Variants in CAPN3 observed in about 807,000 individuals in gnomAD.
CAPN3 encodes calpain 3.
A neutral mutation model predicts 114.0 loss-of-function variants in CAPN3; 88 were observed. That is an observed-to-expected ratio of 0.77 (90% confidence interval 0.65 to 0.92). The LOEUF is 0.92. Among genes scored for constraint, CAPN3 ranks in the 40% least tolerant of loss-of-function variants. The pLI, the probability that CAPN3 is intolerant of heterozygous loss-of-function variation, is 0.00. For synonymous variants in CAPN3, 386 were observed against 382.9 expected (o/e 1.01, Z -0.09); for missense variants, 1,028 against 1,069.0 (o/e 0.96, Z 0.53).
chr15:42,361,419 C>T (rs968211919), intron 1 of CAPN3, among the ~76,000 whole-genome samples: 13 of 152,048 alleles, frequency 8.5e-5, no homozygotes, highest in African/African-American at 2.9e-4. Flanking sequence ...AGCAGTGAGC[C>T]GAGATCATGC....
At chr15:42,362,034 T>G (rs1230944916) in intron 1 of CAPN3, among the ~76,000 whole-genome samples, 2 of 152,348 alleles carry the variant, frequency 1.3e-5, no homozygotes, top group East Asian at 3.9e-4. Flanking sequence ...GGTACTCAGC[T>G]GATGCTGGTG....
intron 22 of CAPN3, 110 bp from the exon 23 acceptor site, chr15:42,411,177 T>C: frequency 1.9e-6 from 2 of 1,057,712 alleles, no homozygotes. Context: ...CCTGCACATC[T>C]TTGTGCTGAT....
At chr15:42,408,539 G>T (rs1595844701) in intron 16 of CAPN3, 1 of 542,844 alleles carries the variant, frequency 1.8e-6, no homozygotes, top group East Asian at 3.9e-5. Flanking sequence ...TTCTAGGAGT[G>T]GACTGGCAGG....
chr15:42,359,684 G>A lies in CAPN3; in HGVS notation c.-122G>A. 2 of 1,565,942 alleles carry A rather than the reference G, an allele frequency of 1.3e-6. No homozygotes were observed. Among genetic ancestry groups the A allele is most frequent in the Non-Finnish European group, 1.7e-6 (2 of 1,160,118 alleles). On this transcript the variant is annotated 5_prime_UTR_variant, in exon 1 of 24. It adds an upstream start codon to the 5' untranslated region. Coordinates refer to ENST00000397163, the MANE Select transcript of CAPN3 (RefSeq NM_000070.3). ...ATGGGCTTTCAACTTTGAACTGGAT[G>A]TGGACACTTTTCTCTCAGATGACAG...
At chr15:42,374,986 AATTTATTTATTTATTTATTTATTT>A (rs71431847) in intron 1 of CAPN3, among the ~76,000 whole-genome samples, 6,958 of 133,992 alleles carry the variant, frequency 0.052, 554 homozygotes, top group African/African-American at 0.17. Context: ...TTTAAATAAA[AATTTATTTATTTATTTATTTATTT>A]ATTTATTTAT....
intron 6 of CAPN3, 108 bp downstream of exon 6, chr15:42,390,204 C>G: frequency 8.2e-7 from 1 of 1,217,484 alleles, no homozygotes; most frequent in Non-Finnish European, 1.2e-6. Flanking sequence ...CACACACCCC[C>G]ACCTGGCACC....
rs766467164 is a variant in CAPN3, at chr15:42,402,838, C to T, written c.1581C>T (p.Tyr527=). Residue 527 remains tyrosine, a synonymous_variant, in exon 13 of 24, where the codon TAC becomes TAT. Coordinates refer to ENST00000397163, the MANE Select transcript of CAPN3 (RefSeq NM_000070.3). ...KQHLQKDFFL[Y]NASKARSKTY... is the part of the protein sequence containing the mutation. ...ACCTGCAGAAGGACTTCTTCCTGTA[C>T]AACGCCTCCAAGGCCAGGAGCAAAA... 2.1e-5 allele frequency: 34 copies of T among 1,614,074 alleles called. No homozygotes were observed. The highest frequency in any genetic ancestry group is 2.9e-5 in the Non-Finnish European group (34 of 1,180,028).
rs1192202929 is a variant in CAPN3 at position 42,390,068 on chromosome 15, C to T, written c.917C>T (p.Pro306Leu). The T allele has an allele frequency of 1.5e-5, 24 of 1,614,010 alleles. No homozygotes were observed. The highest frequency in any genetic ancestry group is 1.9e-5 in the Non-Finnish European group (23 of 1,180,040). Reference protein sequence around the residue: ...NSLLQDSDLDPRGSDERPTRT... With the variant: ...NSLLQDSDLDLRGSDERPTRT... ...CTGCTCCAGGACTCAGACCTCGACCCCAGAGGCTCAGATGAAAGACCGACC... is the reference window on the plus strand; with the variant it reads ...CTGCTCCAGGACTCAGACCTCGACCTCAGAGGCTCAGATGAAAGACCGACC... Residue 306 changes from proline (P) to leucine (L), a missense_variant, in exon 6 of 24, where the codon CCC becomes CTC. By Grantham distance (98) the Pro-to-Leu change is moderately conservative. Coordinates refer to ENST00000397163, the MANE Select transcript of CAPN3 (RefSeq NM_000070.3).
chr15:42,399,671 G>A lies in CAPN3; in HGVS notation c.1354+19G>A. ...TTCCCAGGTGGGAGATGCTCTTGAT[G>A]GGGGGAGGGTCTAAGCCGAAAAAGT... On this transcript the variant is annotated intron_variant, in intron 10 of 23. Transcript: ENST00000397163. The A allele has an allele frequency of 6.3e-7, 1 of 1,582,082 alleles. No homozygotes were observed. The highest frequency in any genetic ancestry group is 1.3e-5 in the African/African-American group (1 of 74,506).
intron 10 of CAPN3, 65 bp downstream of exon 10, chr15:42,399,717 C>T: frequency 3.8e-6 from 5 of 1,328,440 alleles, no homozygotes; most frequent in Non-Finnish European, 5.2e-6. Flanking sequence ...AGAAGCCTAA[C>T]TAGTGCTTAT....
chr15:42,398,661 A>G (rs2053774944), intron 9 of CAPN3, among the ~76,000 whole-genome samples: 1 of 144,360 alleles, frequency 6.9e-6, no homozygotes, highest in African/African-American at 2.8e-5. Flanking sequence ...ATATATACAC[A>G]CACATATACA....
chr15:42,402,539 G>C, intron 12 of CAPN3: 1 of 1,451,460 alleles, frequency 6.9e-7, no homozygotes, highest in Non-Finnish European at 9.1e-7. Context: ...GGGCTTCGGA[G>C]CTGAGGAGCA....
chr15:42,392,769 A>G, intron 7 of CAPN3, 47 bp downstream of exon 7: 2 of 1,512,028 alleles, frequency 1.3e-6, no homozygotes, highest in Non-Finnish European at 1.8e-6. Flanking sequence ...TCCTGGGTTA[A>G]CCTCATGAAG....
At position 42,383,442 on chromosome 15, in the gene CAPN3, A is replaced by G. The variant is rs961417515; in HGVS notation, c.310-1041A>G. Among the ~76,000 whole-genome samples, 10 of 152,194 alleles carry G rather than the reference A, an allele frequency of 6.6e-5. No individual in the cohort carries two copies. The East Asian group carries it at 1.9e-3, about 29-fold the overall frequency. On this transcript the variant is annotated intron_variant, in intron 1 of 23. Transcript: ENST00000397163. ...CATCTCTCTCTACTAAGAATATGGA[A>G]ACCACCCATGGTGGCACACATCTGT... is the stretch of plus-strand genomic sequence containing the variant.
At position 42,387,895 on chromosome 15, in the gene CAPN3, CA is replaced by C; in HGVS notation, c.632+10del. The C allele has an allele frequency of 2.5e-6, 4 of 1,614,098 alleles. No individual in the cohort carries two copies. The highest frequency in any genetic ancestry group is 2.5e-6 in the Non-Finnish European group (3 of 1,180,006). On this transcript the variant is annotated intron_variant, in intron 4 of 23. Transcript: ENST00000397163. Reference sequence around the variant, plus strand: ...GAGAAGGCTTATGCTAAGTAAGCAACACTTTAGAATGTGAGGTGGGGCTAGA... The same window carrying C: ...GAGAAGGCTTATGCTAAGTAAGCAACCTTTAGAATGTGAGGTGGGGCTAGA...
chr15:42,411,651 C>G, intron 23 of CAPN3, 96 bp from the exon 24 acceptor site: 1 of 797,428 alleles, frequency 1.3e-6, no homozygotes, highest in Non-Finnish European at 2.2e-6. Flanking sequence ...CCTGCTGGGA[C>G]TGTTCCCTTT....
intron 10 of CAPN3, among the ~76,000 whole-genome samples, chr15:42,399,968 T>C (rs1337491803): frequency 6.6e-6 from 1 of 152,136 alleles, no homozygotes; most frequent in Non-Finnish European, 1.5e-5. Context: ...CCAAACATCA[T>C]AGCTTAGCCT....
At chr15:42,374,887 A>AC (rs1363567065) in intron 1 of CAPN3, among the ~76,000 whole-genome samples, 1 of 145,070 alleles carries the variant, frequency 6.9e-6, no homozygotes, top group African/African-American at 2.6e-5. Context: ...TGCAGCCTCA[A>AC]CCCCCCAGGC....
chr15:42,404,151 G>A (rs1308655836), intron 14 of CAPN3: 7 of 463,166 alleles, frequency 1.5e-5, no homozygotes, highest in African/African-American at 4.0e-5. Flanking sequence ...AGCTGGTGCC[G>A]GACCTGGTGT....
Sources: gnomAD v4.1 joint callset for allele counts (sites outside exome capture counted in the v4.1 genomes callset) on GRCh38, gnomAD v4.1.1 for gene constraint, MANE v1.5 for transcripts, NCBI Gene and HGNC (gene_info 2026-07-23, HGNC 2026-07-21) for gene names.